SUB1: variants seen among roughly 807,000 people sequenced by gnomAD.
SUB1 encodes activated RNA polymerase II transcriptional coactivator p15.
In SUB1, 1 loss-of-function variant was observed where a neutral mutation model predicts 16.9. That is an observed-to-expected ratio of 0.06 (90% CI 0.02 to 0.28). The LOEUF is 0.28. SUB1 is among the 10% of genes least tolerant of loss of function. The pLI is 1.00. For missense variants in SUB1, 84 were observed against 145.2 expected, an observed-to-expected ratio of 0.58 and a Z score of 2.16; for synonymous variants, 51 against 46.9, an observed-to-expected ratio of 1.09 and a Z score of -0.36.
In SUB1 at chr5:32,599,026, A is replaced by G. The variant is rs1579518567; in HGVS notation, c.261A>G (p.Glu87=). 3 of 1,613,784 alleles carry G rather than the reference A, an allele frequency of 1.9e-6. No homozygotes were observed. Among genetic ancestry groups the G allele is most frequent in the Non-Finnish European group, 2.5e-6 (3 of 1,179,842 alleles). Residue 87 remains glutamate (E), a synonymous_variant, in exon 4 of 5, where the codon GAA becomes GAG. Coordinates refer to ENST00000265073, the MANE Select transcript of SUB1 (RefSeq NM_006713.4). ...FKGKVLIDIR[E]YWMDPEGEMK... is the part of the protein sequence containing the mutation. ...GCAAAGTGCTAATTGATATTAGAGA[A>G]TATTGGATGGATCCTGAAGGTGAAA...
intron 2 of SUB1, among the ~76,000 whole-genome samples, chr5:32,590,407 C>G (rs878899809): frequency 2.0e-5 from 3 of 151,402 alleles, no homozygotes; most frequent in Non-Finnish European, 4.4e-5. Flanking sequence ...GAGAATGCGA[C>G]TTTCTAATAA....
At chr5:32,600,299 A>G (rs971637169) in intron 4 of SUB1, among the ~76,000 whole-genome samples, 1 of 152,252 alleles carries the variant, frequency 6.6e-6, no homozygotes, top group Non-Finnish European at 1.5e-5. Flanking sequence ...GGAAGAACTC[A>G]GCACAATTGG....
intron 3 of SUB1, chr5:32,597,201 A>G (rs919808110): frequency 4.6e-5 from 7 of 152,112 alleles, no homozygotes; most frequent in African/African-American, 1.7e-4. Flanking sequence ...AAACTGTTTC[A>G]TCTTGCAAAA....
intron 3 of SUB1, among the ~76,000 whole-genome samples, chr5:32,592,774 GGATTATCAGCATGGTTGACTAAA>G (rs1403966409): frequency 7.2e-5 from 11 of 152,092 alleles, no homozygotes; most frequent in Admixed American, 7.2e-4. Flanking sequence ...TGTTCATGTG[GGATTATCAGCATGGTTGACTAAA>G]GCTGCCTACT....
Position 32,585,577 on chromosome 5 carries a change from C to T in SUB1, c.-50C>T, listed in dbSNP as rs989418220. 1 of 152,228 alleles carries T rather than the reference C, an allele frequency of 6.6e-6. No homozygotes were observed. Among genetic ancestry groups the T allele is most frequent in the Non-Finnish European group, 1.5e-5 (1 of 68,078 alleles). The allele number at this position is 152,228 out of a possible 1,614,324, so 9.4% of individuals were successfully genotyped here. A position where few individuals can be genotyped will look rare whatever the true frequency, so the allele number is the denominator to read the frequency against. On this transcript the variant is annotated 5_prime_UTR_variant, in exon 1 of 5. Transcript: ENST00000265073. ...CCGTCACTTCCGGTTCTCTGTCAGT[C>T]GCGAGCGAACGACCAAGAGGGTGTT...
rs947414452 is a variant in SUB1 at position 32,601,233 on chromosome 5, A to G, written c.*149A>G. 8.1e-6 allele frequency: 5 copies of G among 621,076 alleles called. No individual in the cohort carries two copies. Among genetic ancestry groups the G allele is most frequent in the Non-Finnish European group, 1.1e-5 (4 of 358,512 alleles). 38.5% of individuals were successfully genotyped at this position (621,076 alleles called of 1,614,324 possible). A position where few individuals can be genotyped will look rare whatever the true frequency, so the allele number is the denominator to read the frequency against. On this transcript the variant is annotated 3_prime_UTR_variant, in exon 5 of 5. Coordinates refer to ENST00000265073, the MANE Select transcript of SUB1 (RefSeq NM_006713.4). ...AGATGAATACTTTTTTTTAATGTGC[A>G]TTATTAAAAATATTGAGTGAAGCTA...
rs1477038733 is a variant in SUB1 at position 32,601,350 on chromosome 5, TG to T, written c.*267del. 5.6e-6 allele frequency: 2 copies of T among 359,236 alleles called. No homozygotes were observed. The highest frequency in any genetic ancestry group is 1.0e-5 in the Non-Finnish European group (2 of 198,822). 22.3% of individuals were successfully genotyped at this position (359,236 alleles called of 1,614,324 possible). On this transcript the variant is annotated 3_prime_UTR_variant, in exon 5 of 5. Transcript: ENST00000265073. ...CAATCTTAACTGTTGTGGCCTTTTT[TG>T]ATCATAAGAGTTGGTACTGTTTAAG...
chr5:32,593,913 C>T (rs902281247), intron 3 of SUB1, among the ~76,000 whole-genome samples: 6 of 152,100 alleles, frequency 3.9e-5, no homozygotes, highest in Admixed American at 3.9e-4. Context: ...AGGATGGTCT[C>T]GATCTCTTGA....
chr5:32,586,789 A>G (rs1459743204), intron 1 of SUB1, among the ~76,000 whole-genome samples: 2 of 152,250 alleles, frequency 1.3e-5, no homozygotes, highest in Non-Finnish European at 2.9e-5. Flanking sequence ...GAAACAGGAA[A>G]AACGGATAAA....
intron 2 of SUB1, among the ~76,000 whole-genome samples, chr5:32,589,680 C>T (rs1397968969): frequency 6.6e-6 from 1 of 152,160 alleles, no homozygotes; most frequent in East Asian, 1.9e-4. Context: ...GCAGAATTGT[C>T]TTTTATCGCA....
intron 3 of SUB1, chr5:32,595,821 TTTAAG>T (rs1279218856): frequency 1.2e-4 from 19 of 152,318 alleles, no homozygotes; most frequent in African/African-American, 4.6e-4. Context: ...TTGTCAGTCT[TTTAAG>T]TTTTTTTCTT....
chr5:32,586,095 G>A (rs1738657637), intron 1 of SUB1: 1 of 152,326 alleles, frequency 6.6e-6, no homozygotes, highest in South Asian at 2.1e-4. Context: ...TGCAGGGGGA[G>A]GGAACGCTTC....
intron 3 of SUB1, among the ~76,000 whole-genome samples, chr5:32,593,181 TTTTC>T (rs1391765290): frequency 6.6e-6 from 1 of 151,990 alleles, no homozygotes; most frequent in Non-Finnish European, 1.5e-5. Flanking sequence ...GCCTGGCAAA[TTTTC>T]TTTGTTGTTG....
At chr5:32,585,710 C>T (rs1346839042) in intron 1 of SUB1, 85 bp downstream of exon 1, 1 of 152,432 alleles carries the variant, frequency 6.6e-6, no homozygotes, top group Non-Finnish European at 1.5e-5. Context: ...CCCTCCACTC[C>T]TCTCGCCGGC....
rs70961652 is a variant in SUB1 at position 32,590,762 on chromosome 5, AT to A, written c.73-778del. On this transcript the variant is annotated intron_variant, in intron 2 of 4. Transcript: ENST00000265073. ...AGGCGTGTGCCACCACGCCTGGCTA[AT>A]TTTTTTTTTTTTTTTTTTTTTTGAG... 6.4e-3 allele frequency among the ~76,000 whole-genome samples: 219 copies of A among 33,960 alleles called. 2 individuals carry two copies. The highest frequency in any genetic ancestry group is 9.3e-3 in the Non-Finnish European group (174 of 18,644). 22.3% of individuals were successfully genotyped at this position (33,960 alleles called of 152,430 possible).
Position 32,599,011 on chromosome 5 carries a change from A to G in SUB1, c.246A>G (p.Leu82=). Residue 82 remains leucine (L), a synonymous_variant, in exon 4 of 5, where the codon CTA becomes CTG. Coordinates refer to ENST00000265073, the MANE Select transcript of SUB1 (RefSeq NM_006713.4). ...VSVRDFKGKV[L]IDIREYWMDP... ...TTCGCGATTTTAAAGGCAAAGTGCTAATTGATATTAGAGAATATTGGATGG... is the reference window on the plus strand; with the variant it reads ...TTCGCGATTTTAAAGGCAAAGTGCTGATTGATATTAGAGAATATTGGATGG... 1 of 1,613,824 alleles carries G rather than the reference A, an allele frequency of 6.2e-7. No homozygotes were observed. Among genetic ancestry groups the G allele is most frequent in the Non-Finnish European group, 8.5e-7 (1 of 1,179,876 alleles).
chr5:32,594,641 C>T, intron 3 of SUB1: 1 of 452,654 alleles, frequency 2.2e-6, no homozygotes, highest in Non-Finnish European at 4.5e-6. Flanking sequence ...GTGAACATTG[C>T]AGCCCGAGCT....
rs571163791 is a variant in SUB1 at position 32,592,124 on chromosome 5, T to G, written c.195+439T>G. Among the ~76,000 whole-genome samples the G allele has an allele frequency of 2.4e-4, 36 of 152,384 alleles. 1 individual carries two copies. The East Asian group carries it at 6.4e-3, about 27-fold the overall frequency. ...AATCTTCTTAACTAGGGACATTTAT[T>G]AAAATAGAACAAACTAGTAAAAGTA... On this transcript the variant is annotated intron_variant, in intron 3 of 4. Transcript: ENST00000265073.
intron 1 of SUB1, among the ~76,000 whole-genome samples, chr5:32,586,700 A>G (rs1738678936): frequency 6.6e-6 from 1 of 152,232 alleles, no homozygotes; most frequent in Non-Finnish European, 1.5e-5. Flanking sequence ...ACCTTTTTAA[A>G]AAATATCTTT....
Sources: allele counts gnomAD v4.1 joint callset (sites outside exome capture counted in the v4.1 genomes callset), GRCh38; gene constraint gnomAD v4.1.1; transcripts MANE v1.5; gene names NCBI Gene and HGNC (gene_info 2026-07-23, HGNC 2026-07-21).